STAG1: variants seen among roughly 807,000 people sequenced by gnomAD.
STAG1 encodes the protein cohesin subunit SA-1.
In STAG1, 26 loss-of-function variants were observed where a neutral mutation model predicts 170.9. That is an observed-to-expected ratio of 0.15 (90% CI 0.11 to 0.21). The LOEUF (loss-of-function observed/expected upper bound fraction) is 0.21. Ranked by LOEUF, STAG1 falls within the 10% of genes least tolerant of loss-of-function variation. STAG1 has a pLI of 1.00. For missense variants in STAG1, 964 were observed against 1,509.5 expected, an observed-to-expected ratio of 0.64 and a Z score of 5.99; for synonymous variants, 514 against 497.7, an observed-to-expected ratio of 1.03 and a Z score of -0.44.
intron 1 of STAG1, among the ~76,000 whole-genome samples, chr3:136,690,135 A>C (rs1026536289): frequency 6.6e-6 from 1 of 151,858 alleles, no homozygotes; most frequent in South Asian, 2.1e-4. Flanking sequence ...ATGTCCAGGA[A>C]TTCTTTTAAT....
chr3:136,553,029 A>G (rs773861813), intron 5 of STAG1, among the ~76,000 whole-genome samples: 1 of 152,214 alleles, frequency 6.6e-6, no homozygotes, highest in Non-Finnish European at 1.5e-5. Flanking sequence ...CAGGCTCACA[A>G]AGACTTAAAA....
intron 6 of STAG1, among the ~76,000 whole-genome samples, chr3:136,534,968 T>A (rs1377785137): frequency 6.6e-6 from 1 of 152,220 alleles, no homozygotes; most frequent in Admixed American, 6.5e-5. Context: ...ACAGCACTAT[T>A]CACAATTGCA....
intron 19 of STAG1, 66 bp downstream of exon 19, chr3:136,422,344 C>T (rs1486124531): frequency 1.4e-6 from 2 of 1,420,056 alleles, no homozygotes; most frequent in South Asian, 1.2e-5. Flanking sequence ...ATGATTTACA[C>T]ACTCAGCTAT....
intron 5 of STAG1, among the ~76,000 whole-genome samples, chr3:136,549,559 C>T (rs1936300824): frequency 6.6e-6 from 1 of 152,094 alleles, no homozygotes; most frequent in African/African-American, 2.4e-5. Context: ...CCTCAGCCTC[C>T]CAAAGTGCTG....
chr3:136,709,671 G>T (rs1255985309), intron 1 of STAG1, among the ~76,000 whole-genome samples: 1 of 151,970 alleles, frequency 6.6e-6, no homozygotes, highest in Non-Finnish European at 1.5e-5. Flanking sequence ...GGAGTTCAAG[G>T]CTACAGTAAG....
At position 136,341,536 on chromosome 3, in the gene STAG1, G is replaced by C. The variant is rs937043439; in HGVS notation, c.3462C>G (p.Ile1154Met). Residue 1154 changes from isoleucine to methionine, a missense_variant, in exon 31 of 34, where the codon ATC becomes ATG. Physicochemically the swap from Ile to Met is conservative, Grantham distance 10. Around this residue, in one of 11 missense-constraint regions of STAG1, gnomAD observed 122 missense variants for 129.0 expected, o/e 0.95. Transcript: ENST00000383202. ...PDFLHNPQMQ[I>M]SWLGQPKLED... The stretch of plus-strand genomic sequence containing the variant: ...CTAACTTCGGCTGGCCTAACCAAGA[G>C]ATCTGCATCTGAGGACTAAGAGAGG... 1 of 1,610,920 alleles carries C rather than the reference G, an allele frequency of 6.2e-7. No homozygotes were observed. Among genetic ancestry groups the C allele is most frequent in the South Asian group, 1.1e-5 (1 of 91,028 alleles).
intron 5 of STAG1, among the ~76,000 whole-genome samples, chr3:136,564,143 T>C (rs989530865): frequency 4.6e-5 from 7 of 152,248 alleles, no homozygotes; most frequent in Non-Finnish European, 7.3e-5. Context: ...CTGTCTTATA[T>C]ATGAACATTT....
intron 22 of STAG1, among the ~76,000 whole-genome samples, chr3:136,382,904 G>A (rs1938056119): frequency 1.3e-5 from 2 of 152,166 alleles, no homozygotes; most frequent in Admixed American, 1.3e-4. Context: ...CACAGATATT[G>A]TATACTTAAC....
At chr3:136,668,392 A>T (rs1941876390) in intron 1 of STAG1, among the ~76,000 whole-genome samples, 1 of 146,380 alleles carries the variant, frequency 6.8e-6, no homozygotes, top group African/African-American at 2.5e-5. Flanking sequence ...AATATATAAA[A>T]TATATATTAT....
chr3:136,532,390 T>C (rs1040857007), intron 6 of STAG1, among the ~76,000 whole-genome samples: 13 of 152,194 alleles, frequency 8.5e-5, no homozygotes, highest in Non-Finnish European at 1.5e-4. Context: ...GCTGGCCTTC[T>C]AGAATGAGTT....
At chr3:136,556,789 C>T (rs1936641645) in intron 5 of STAG1, among the ~76,000 whole-genome samples, 2 of 151,960 alleles carry the variant, frequency 1.3e-5, no homozygotes, top group Non-Finnish European at 2.9e-5. Flanking sequence ...TACCATGTTG[C>T]CCAGGCTGGA....
chr3:136,629,733 A>T (rs1324459545), intron 2 of STAG1, among the ~76,000 whole-genome samples: 1 of 152,192 alleles, frequency 6.6e-6, no homozygotes, highest in African/African-American at 2.4e-5. Flanking sequence ...AAATGAACTG[A>T]GTAGTAATAA....
At position 136,533,193 on chromosome 3, in the gene STAG1, C is replaced by G. The variant is rs970108159; in HGVS notation, c.471+8926G>C. Among the ~76,000 whole-genome samples the G allele has an allele frequency of 4.6e-5, 7 of 152,070 alleles. No individual in the cohort carries two copies. The South Asian group carries it at 1.5e-3, about 32-fold the overall frequency. ...AAAAATAAAAGATCTAGAAATAAAG[C>G]TAACTAAAGTGAAGGATCTCTATAA... On this transcript the variant is annotated intron_variant, in intron 6 of 33. Coordinates refer to ENST00000383202, the MANE Select transcript of STAG1 (RefSeq NM_005862.3).
At chr3:136,441,982 G>C (rs975503944) in intron 15 of STAG1, among the ~76,000 whole-genome samples, 1 of 152,184 alleles carries the variant, frequency 6.6e-6, no homozygotes, top group Admixed American at 6.5e-5. Flanking sequence ...AGGATCACCT[G>C]AGCTCAGGAG....
intron 1 of STAG1, among the ~76,000 whole-genome samples, chr3:136,673,777 C>T (rs1035273996): frequency 1.3e-5 from 2 of 152,002 alleles, no homozygotes; most frequent in African/African-American, 4.8e-5. Flanking sequence ...ATCTGAACAT[C>T]AAATACAATA....
At chr3:136,545,714 GAA>G (rs796628838) in intron 5 of STAG1, among the ~76,000 whole-genome samples, 2 of 145,366 alleles carry the variant, frequency 1.4e-5, no homozygotes, top group Middle Eastern at 3.5e-3. Flanking sequence ...GTGCAAAAAG[GAA>G]AAAAAAAACC....
chr3:136,713,320 C>A (rs1943433949), intron 1 of STAG1, among the ~76,000 whole-genome samples: 1 of 151,722 alleles, frequency 6.6e-6, no homozygotes, highest in Non-Finnish European at 1.5e-5. Context: ...TGGTGGCTCA[C>A]TCCTGTAATC....
chr3:136,441,488 T>C (rs146046224), intron 15 of STAG1, among the ~76,000 whole-genome samples: 81 of 152,288 alleles, frequency 5.3e-4, no homozygotes, highest in East Asian at 4.2e-3. Flanking sequence ...CATAATAAAT[T>C]AGAAAAAAGT....
intron 9 of STAG1, among the ~76,000 whole-genome samples, chr3:136,480,863 T>C (rs1363049244): frequency 7.2e-6 from 1 of 139,098 alleles, no homozygotes; most frequent in African/African-American, 2.6e-5. Flanking sequence ...AGTTCACTCA[T>C]GGTTTGGCTC....
Sources: gnomAD v4.1 joint callset for allele counts (sites outside exome capture counted in the v4.1 genomes callset) on GRCh38, gnomAD v4.1.1 for gene constraint, gnomAD v4.1.1 regional missense constraint, MANE v1.5 for transcripts, NCBI Gene and HGNC (gene_info 2026-07-23, HGNC 2026-07-21) for gene names.